NXPE2: variants seen among roughly 807,000 people sequenced by gnomAD.
The protein encoded by NXPE2 is NXPE family member 2.
Under a neutral mutation model 34.4 loss-of-function variants are expected in NXPE2, and 34 were observed. The observed-to-expected ratio is 0.99, with a 90% confidence interval of 0.75 to 1.31. The LOEUF (loss-of-function observed/expected upper bound fraction) is 1.31, where lower values mean the gene tolerates loss of function less well. Among genes scored for constraint, NXPE2 ranks in the 40% most tolerant of loss-of-function variants. The probability of loss-of-function intolerance (pLI) is 0.00; values close to 1 mark genes in which losing one functional copy is unlikely to be tolerated. For missense variants in NXPE2, 649 were observed against 672.5 expected, an observed-to-expected ratio of 0.97 and a Z score of 0.39; for synonymous variants, 235 against 231.3, an observed-to-expected ratio of 1.02 and a Z score of -0.15.
the NXPE2 span, among the ~76,000 whole-genome samples, chr11:114,638,197 G>T: frequency 1.3e-4 from 20 of 151,276 alleles, no homozygotes; most frequent in African/African-American, 4.9e-4. Context: ...TTCCCTTCTC[G>T]CTTCATTTCA....
At position 114,698,319 on chromosome 11, in the gene NXPE2, G is replaced by A. The variant is rs1263997629; in HGVS notation, c.407G>A (p.Arg136Lys). 5.6e-6 allele frequency: 9 copies of A among 1,613,950 alleles called. No homozygotes were observed. In the Admixed American group the frequency reaches 1.3e-4, roughly 24 times the overall value. Residue 136 changes from arginine (R) to lysine (K), a missense_variant, in exon 3 of 6, where the codon AGG becomes AAG. Physicochemically the swap from Arg to Lys is conservative, Grantham distance 26. Transcript: ENST00000389586. ...GDQLDILLEVRDHLGHRKQYG... is the reference protein window; with the variant it reads ...GDQLDILLEVKDHLGHRKQYG... ...CAGCTGGACATCCTTCTGGAGGTGAGGGACCACTTGGGACACAGGAAGCAA... is the reference window on the plus strand; with the variant it reads ...CAGCTGGACATCCTTCTGGAGGTGAAGGACCACTTGGGACACAGGAAGCAA...
chr11:114,665,273 T>C, the NXPE2 span, among the ~76,000 whole-genome samples: 4 of 152,292 alleles, frequency 2.6e-5, no homozygotes, highest in African/African-American at 9.6e-5. Context: ...CTTTAAGTCA[T>C]TTGAAATGCT....
At chr11:114,724,227 T>G in the NXPE2 span, among the ~76,000 whole-genome samples, 2 of 152,300 alleles carry the variant, frequency 1.3e-5, no homozygotes, top group Non-Finnish European at 2.9e-5. Context: ...ATTCCAGGTC[T>G]GTACAATTCT....
the NXPE2 span, among the ~76,000 whole-genome samples, chr11:114,538,462 C>G: frequency 1.2e-4 from 18 of 152,188 alleles, no homozygotes; most frequent in Admixed American, 7.2e-4. Context: ...TTCTGCACAG[C>G]AAAAGAAACC....
At chr11:114,635,182 C>A in the NXPE2 span, among the ~76,000 whole-genome samples, 21 of 150,208 alleles carry the variant, frequency 1.4e-4, no homozygotes, top group East Asian at 3.7e-3. Context: ...TCCTTCACGT[C>A]CCTTGTAAGT....
At chr11:114,792,259 C>T in the NXPE2 span, among the ~76,000 whole-genome samples, 137 of 152,100 alleles carry the variant, frequency 9.0e-4, 1 homozygote, top group African/African-American at 2.9e-3. Context: ...GTTCTTGCCC[C>T]GTATTAAAAT....
chr11:114,613,246 G>A, the NXPE2 span, among the ~76,000 whole-genome samples: 17 of 151,468 alleles, frequency 1.1e-4, no homozygotes, highest in African/African-American at 3.1e-4. Flanking sequence ...ACTGTTACCC[G>A]GTGGATAATA....
At chr11:114,605,817 G>A in the NXPE2 span, among the ~76,000 whole-genome samples, 1 of 150,032 alleles carries the variant, frequency 6.7e-6, no homozygotes, top group Non-Finnish European at 1.5e-5. Context: ...CCACTGTTAC[G>A]CAGTGGAAAA....
At chr11:114,650,867 G>A in the NXPE2 span, among the ~76,000 whole-genome samples, 14 of 152,136 alleles carry the variant, frequency 9.2e-5, no homozygotes, top group African/African-American at 3.4e-4. Flanking sequence ...CCTACCCCAA[G>A]AAACAACAGT....
At chr11:114,673,173 T>G in the NXPE2 span, among the ~76,000 whole-genome samples, 2 of 150,480 alleles carry the variant, frequency 1.3e-5, no homozygotes, top group Non-Finnish European at 3.0e-5. Flanking sequence ...GTAATGAAAA[T>G]AAATTTGGAA....
chr11:114,623,546 G>T, the NXPE2 span, among the ~76,000 whole-genome samples: 1 of 152,078 alleles, frequency 6.6e-6, no homozygotes, highest in African/African-American at 2.4e-5. Context: ...TTACCTGGCA[G>T]ATAATACGTA....
the NXPE2 span, among the ~76,000 whole-genome samples, chr11:114,476,741 A>G: frequency 1.3e-5 from 2 of 152,272 alleles, no homozygotes; most frequent in African/African-American, 4.8e-5. Context: ...AAACTGCCCC[A>G]TGATCCAATC....
At chr11:114,805,349 T>G in the NXPE2 span, among the ~76,000 whole-genome samples, 1 of 152,112 alleles carries the variant, frequency 6.6e-6, no homozygotes, top group African/African-American at 2.4e-5. Flanking sequence ...TGCAGGACAG[T>G]GGGTGCAGCG....
At chr11:114,731,675 A>G in the NXPE2 span, among the ~76,000 whole-genome samples, 1 of 152,220 alleles carries the variant, frequency 6.6e-6, no homozygotes, top group Non-Finnish European at 1.5e-5. Context: ...AGATGACAAA[A>G]TTATTAAAAT....
At chr11:114,766,734 A>T in the NXPE2 span, among the ~76,000 whole-genome samples, 1 of 151,938 alleles carries the variant, frequency 6.6e-6, no homozygotes, top group South Asian at 2.1e-4. Context: ...AGTTTTCCTC[A>T]TCTCACTGTG....
chr11:114,579,088 T>C, the NXPE2 span, among the ~76,000 whole-genome samples: 2 of 152,178 alleles, frequency 1.3e-5, no homozygotes, highest in Non-Finnish European at 2.9e-5. Context: ...TGTACAAGCA[T>C]GGCATCGGCA....
chr11:114,527,870 G>T, the NXPE2 span: 1 of 1,606,496 alleles, frequency 6.2e-7, no homozygotes, highest in Non-Finnish European at 8.5e-7. Flanking sequence ...ATGTGTTTAC[G>T]ATCCTTCATC....
the NXPE2 span, among the ~76,000 whole-genome samples, chr11:114,527,502 G>A: frequency 6.6e-6 from 1 of 152,154 alleles, no homozygotes; most frequent in Non-Finnish European, 1.5e-5. Flanking sequence ...CCAACAGAGA[G>A]TTAGGAAACC....
chr11:114,501,850 G>T, the NXPE2 span, among the ~76,000 whole-genome samples: 2 of 152,184 alleles, frequency 1.3e-5, no homozygotes, highest in African/African-American at 2.4e-5. Context: ...AATAAAAGAA[G>T]TCCAGGGTTT....
Sources: allele counts gnomAD v4.1 joint callset (sites outside exome capture counted in the v4.1 genomes callset), GRCh38; gene constraint gnomAD v4.1.1; transcripts MANE v1.5; gene names NCBI Gene and HGNC (gene_info 2026-07-23, HGNC 2026-07-21).